The following DOCK7 variants were observed in gnomAD, a reference collection of about 807,000 sequenced individuals.
DOCK7 encodes dedicator of cytokinesis protein 7.
A neutral mutation model predicts 271.0 loss-of-function variants in DOCK7; 138 were observed. The observed-to-expected ratio is 0.51, with a 90% CI of 0.44 to 0.59. The LOEUF is 0.59. DOCK7 is among the 20% of genes least tolerant of loss of function. The pLI is 0.00. For synonymous variants in DOCK7, 823 were observed against 876.1 expected (o/e 0.94, Z 1.07); for missense variants, 2,066 against 2,592.4 (o/e 0.80, Z 4.41).
chr1:62,545,706 T>C (rs1340975178), intron 22 of DOCK7, among the ~76,000 whole-genome samples: 2 of 152,158 alleles, frequency 1.3e-5, no homozygotes, highest in Non-Finnish European at 2.9e-5. Flanking sequence ...TTTATAGGAA[T>C]TATATCTTCA....
intron 4 of DOCK7, among the ~76,000 whole-genome samples, chr1:62,652,428 C>T (rs895910584): frequency 4.6e-5 from 7 of 151,922 alleles, no homozygotes; most frequent in Non-Finnish European, 7.4e-5. Context: ...GAATCTGATG[C>T]CCCTATATTC....
chr1:62,643,250 C>T (rs764448685), intron 7 of DOCK7, among the ~76,000 whole-genome samples: 9 of 152,318 alleles, frequency 5.9e-5, no homozygotes, highest in African/African-American at 1.7e-4. Flanking sequence ...GCCCAGACTA[C>T]AAGAACTACC....
chr1:62,473,435 C>G (rs1645885887), intron 48 of DOCK7, among the ~76,000 whole-genome samples: 1 of 152,040 alleles, frequency 6.6e-6, no homozygotes, highest in Non-Finnish European at 1.5e-5. Flanking sequence ...ATTTCCTGAG[C>G]CTTGGCTTTT....
At position 62,553,315 on chromosome 1, in the gene DOCK7, TATA is replaced by T. The variant is rs1557705903; in HGVS notation, c.2597-417_2597-415del. Among the ~76,000 whole-genome samples the T allele has an allele frequency of 3.8e-3, 199 of 52,072 alleles. 11 individuals carry two copies. The highest frequency in any genetic ancestry group is 0.019 in the Middle Eastern group (1 of 54). The allele number at this position is 52,072 out of a possible 152,430, so 34.2% of individuals were successfully genotyped here. A position where few individuals can be genotyped will look rare whatever the true frequency, so the allele number is the denominator to read the frequency against. On this transcript the variant is annotated intron_variant, in intron 21 of 49. Coordinates refer to ENST00000635253, the MANE Select transcript of DOCK7 (RefSeq NM_001367561.1). Reference sequence around the variant, plus strand: ...GGTCTTCTAAATAAAAAGTATTTTATATATATATATATATATATATATATATAT... The same window carrying T: ...GGTCTTCTAAATAAAAAGTATTTTATTATATATATATATATATATATATAT...
chr1:62,602,315 T>C, intron 14 of DOCK7: 1 of 1,610,736 alleles, frequency 6.2e-7, no homozygotes, highest in Non-Finnish European at 8.5e-7. Context: ...CAACATCGAA[T>C]AGATGGATCA....
At chr1:62,494,600 G>T in intron 39 of DOCK7, 133 bp from the exon 40 acceptor site, 1 of 622,460 alleles carries the variant, frequency 1.6e-6, no homozygotes, top group Non-Finnish European at 2.4e-6. Flanking sequence ...AAAGTAGTAT[G>T]AAAATGTCGC....
intron 2 of DOCK7, among the ~76,000 whole-genome samples, chr1:62,659,506 T>C (rs1462764318): frequency 2.6e-5 from 4 of 151,792 alleles, no homozygotes; most frequent in African/African-American, 9.7e-5. Context: ...AAATAGAGAA[T>C]AAACAAAAAA....
At chr1:62,676,255 A>G (rs1201694370) in intron 1 of DOCK7, among the ~76,000 whole-genome samples, 1 of 152,228 alleles carries the variant, frequency 6.6e-6, no homozygotes, top group Admixed American at 6.5e-5. Flanking sequence ...ATTATGCTAA[A>G]TGAAAGCCAC....
intron 14 of DOCK7, chr1:62,603,863 A>G: frequency 9.3e-7 from 1 of 1,077,332 alleles, no homozygotes. Context: ...AAGGGATTCA[A>G]GACTAAACAA....
intron 7 of DOCK7, among the ~76,000 whole-genome samples, chr1:62,643,845 T>C (rs1656326672): frequency 6.6e-6 from 1 of 152,110 alleles, no homozygotes; most frequent in Admixed American, 6.5e-5. Context: ...AGTTCACTTA[T>C]TCAGTCTTCA....
At position 62,537,585 on chromosome 1, in the gene DOCK7, C is replaced by CA. The variant is rs34404898; in HGVS notation, c.3471+305dup. 1.8e-3 allele frequency among the ~76,000 whole-genome samples: 193 copies of CA among 106,624 alleles called. 1 individual carries two copies. Among genetic ancestry groups the CA allele is most frequent in the African/African-American group, 5.9e-3 (170 of 29,022 alleles). 69.9% of individuals were successfully genotyped at this position (106,624 alleles called of 152,430 possible). A position where few individuals can be genotyped will look rare whatever the true frequency, so the allele number is the denominator to read the frequency against. On this transcript the variant is annotated intron_variant, in intron 28 of 49. Transcript: ENST00000635253. ...TGGGAGAAACAGCAAGACTCTGTCT[C>CA]AAAAAAAAAAAAAAAAAAAGAACTT...
At chr1:62,488,712 G>T in intron 42 of DOCK7, 1 of 505,096 alleles carries the variant, frequency 2.0e-6, no homozygotes, top group Non-Finnish European at 3.5e-6. Flanking sequence ...AAAAAAAAAA[G>T]CTATGCAGAA....
chr1:62,527,741 G>A (rs995353493), intron 31 of DOCK7, among the ~76,000 whole-genome samples: 1 of 136,182 alleles, frequency 7.3e-6, no homozygotes, highest in Non-Finnish European at 1.6e-5. Flanking sequence ...GGTGGGGGGA[G>A]GGGGAGGGAT....
At chr1:62,538,920 C>T (rs1645436421) in intron 27 of DOCK7, among the ~76,000 whole-genome samples, 1 of 152,108 alleles carries the variant, frequency 6.6e-6, no homozygotes, top group Non-Finnish European at 1.5e-5. Context: ...AAAGGTAATT[C>T]TGAAAGGCTT....
chr1:62,455,241 T>C lies in DOCK7; in HGVS notation c.*173A>G, dbSNP rs761558847. The stretch of plus-strand genomic sequence containing the variant: ...CTTGTTACCAGAACATTAGAAACCA[T>C]AGCCATGATTCTCAAGCGTTAACAA... On this transcript the variant is annotated 3_prime_UTR_variant, in exon 50 of 50. Coordinates refer to ENST00000635253, the MANE Select transcript of DOCK7 (RefSeq NM_001367561.1). 52 of 744,412 alleles carry C rather than the reference T, an allele frequency of 7.0e-5. No individual in the cohort carries two copies. Among genetic ancestry groups the C allele is most frequent in the Non-Finnish European group, 8.4e-5 (36 of 426,188 alleles). The allele number at this position is 744,412 out of a possible 1,614,324, so 46.1% of individuals were successfully genotyped here. A position where few individuals can be genotyped will look rare whatever the true frequency, so the allele number is the denominator to read the frequency against.
At chr1:62,544,539 T>C (rs1645637975) in intron 23 of DOCK7, among the ~76,000 whole-genome samples, 1 of 152,128 alleles carries the variant, frequency 6.6e-6, no homozygotes, top group Admixed American at 6.6e-5. Flanking sequence ...AGATAGTAAA[T>C]GTTAAATGAA....
chr1:62,626,817 A>G (rs910241361), intron 11 of DOCK7, among the ~76,000 whole-genome samples: 3 of 152,176 alleles, frequency 2.0e-5, no homozygotes, highest in African/African-American at 4.8e-5. Context: ...AATTCTTCCA[A>G]ACTTTCAAAG....
chr1:62,500,447 A>G (rs1013660684), intron 37 of DOCK7, among the ~76,000 whole-genome samples: 1 of 152,174 alleles, frequency 6.6e-6, no homozygotes, highest in African/African-American at 2.4e-5. Flanking sequence ...AAGTTCCAAC[A>G]TATGTATAAT....
intron 41 of DOCK7, 53 bp from the exon 42 acceptor site, chr1:62,489,118 G>T: frequency 6.8e-7 from 1 of 1,470,292 alleles, no homozygotes; most frequent in Non-Finnish European, 9.2e-7. Flanking sequence ...CAATAAGAAA[G>T]AAAAGTAATT....
Sources: allele counts gnomAD v4.1 joint callset (sites outside exome capture counted in the v4.1 genomes callset), GRCh38; gene constraint gnomAD v4.1.1; transcripts MANE v1.5; gene names NCBI Gene and HGNC (gene_info 2026-07-23, HGNC 2026-07-21).